Variants in AGBL4 observed in about 807,000 individuals in gnomAD.
AGBL4 encodes cytosolic carboxypeptidase 6.
In AGBL4, 58 loss-of-function variants were observed where a neutral mutation model predicts 66.4. That is an observed-to-expected ratio of 0.87 (90% CI 0.71 to 1.09). The LOEUF (loss-of-function observed/expected upper bound fraction) is 1.09, where lower values mean the gene tolerates loss of function less well. Among genes scored for constraint, AGBL4 ranks in the 50% least tolerant of loss-of-function variants. The pLI, the probability that AGBL4 is intolerant of heterozygous loss-of-function variation, is 0.00. For missense variants in AGBL4, 579 were observed against 631.0 expected (o/e 0.92, Z 0.88); for synonymous variants, 234 against 222.9 (o/e 1.05, Z -0.44).
intron 3 of AGBL4, among the ~76,000 whole-genome samples, chr1:49,620,873 T>C (rs1246777049): frequency 1.3e-5 from 2 of 152,132 alleles, no homozygotes; most frequent in Non-Finnish European, 2.9e-5. Flanking sequence ...CTTTTTTTTT[T>C]CAAAATTACT....
At chr1:49,650,538 G>A (rs1436005376) in intron 3 of AGBL4, among the ~76,000 whole-genome samples, 2 of 152,148 alleles carry the variant, frequency 1.3e-5, no homozygotes, top group Admixed American at 6.5e-5. Context: ...GACATAGCAG[G>A]TGCCACACTG....
At chr1:49,463,726 A>C (rs1646565138) in intron 3 of AGBL4, among the ~76,000 whole-genome samples, 1 of 151,780 alleles carries the variant, frequency 6.6e-6, no homozygotes, top group Admixed American at 6.6e-5. Context: ...GGAGAGCCAC[A>C]TATTAATTTA....
chr1:49,128,347 A>G (rs1427312028), intron 4 of AGBL4, among the ~76,000 whole-genome samples: 1 of 152,062 alleles, frequency 6.6e-6, no homozygotes, highest in Non-Finnish European at 1.5e-5. Context: ...TATAATCCCA[A>G]TTGATAAATT....
chr1:49,365,769 T>C (rs958175613), intron 3 of AGBL4, among the ~76,000 whole-genome samples: 2 of 152,078 alleles, frequency 1.3e-5, no homozygotes, highest in Non-Finnish European at 2.9e-5. Flanking sequence ...TTTCCGTTTC[T>C]TCACCAGCAC....
chr1:49,876,218 A>C, intron 1 of AGBL4, among the ~76,000 whole-genome samples: 1 of 128,174 alleles, frequency 7.8e-6, no homozygotes, highest in Non-Finnish European at 1.6e-5. Context: ...TGTTTTGGAC[A>C]TGAAGTCCTT....
chr1:48,773,007 G>A (rs1470359728), intron 6 of AGBL4, among the ~76,000 whole-genome samples: 1 of 152,078 alleles, frequency 6.6e-6, no homozygotes, highest in East Asian at 1.9e-4. Context: ...AGCAGGACAT[G>A]AAAAGTCAAC....
At chr1:48,765,309 T>C (rs992639480) in intron 6 of AGBL4, among the ~76,000 whole-genome samples, 1 of 152,180 alleles carries the variant, frequency 6.6e-6, no homozygotes, top group Admixed American at 6.5e-5. Flanking sequence ...AATGAGTATA[T>C]GAAAGGAGCT....
intron 1 of AGBL4, among the ~76,000 whole-genome samples, chr1:49,920,983 C>T (rs567647502): frequency 5.1e-4 from 78 of 152,272 alleles, no homozygotes; most frequent in Admixed American, 2.5e-3. Context: ...AGCAAACTAT[C>T]GCAAGGACAG....
Position 49,934,890 on chromosome 1 carries a change from T to A in AGBL4, c.35-83372A>T, listed in dbSNP as rs116370379. Among the ~76,000 whole-genome samples the A allele has an allele frequency of 4.2e-3, 626 of 150,654 alleles. 3 individuals carry two copies. The highest frequency in any genetic ancestry group is 6.2e-3 in the Non-Finnish European group (419 of 67,814). ...AATAGGAACAGCTCCGATCTACAGC[T>A]CCCAACGTGAGCGATACAGAAAACA... is the stretch of plus-strand genomic sequence containing the variant. On this transcript the variant is annotated intron_variant, in intron 1 of 13. Coordinates refer to ENST00000371839, the MANE Select transcript of AGBL4 (RefSeq NM_032785.4).
intron 1 of AGBL4, among the ~76,000 whole-genome samples, chr1:49,920,738 T>C (rs1338844044): frequency 1.3e-5 from 2 of 152,194 alleles, no homozygotes; most frequent in African/African-American, 4.8e-5. Context: ...ATCCCATTAC[T>C]GGGTATATAC....
chr1:48,784,642 G>C (rs1298684410), intron 6 of AGBL4, among the ~76,000 whole-genome samples: 2 of 152,118 alleles, frequency 1.3e-5, no homozygotes, highest in Non-Finnish European at 2.9e-5. Context: ...GTGTAGAAGC[G>C]TTTACAGCAA....
intron 2 of AGBL4, chr1:49,845,916 A>G (rs1427568550): frequency 2.1e-6 from 3 of 1,453,790 alleles, no homozygotes; most frequent in African/African-American, 2.8e-5. Context: ...CAGAAGCCCT[A>G]CAAATGCAAT....
chr1:49,664,392 A>T lies in AGBL4; in HGVS notation c.282+32921T>A, dbSNP rs942567405. 3.9e-5 allele frequency among the ~76,000 whole-genome samples: 6 copies of T among 152,194 alleles called. No individual in the cohort carries two copies. In the East Asian group the frequency reaches 1.2e-3, roughly 29 times the overall value. Reference sequence around the variant, plus strand: ...AGCATAGGTATATATTCTTGAATAGAACACATATACATAATTTTTAATGTA... The same window carrying T: ...AGCATAGGTATATATTCTTGAATAGTACACATATACATAATTTTTAATGTA... On this transcript the variant is annotated intron_variant, in intron 3 of 13. Transcript: ENST00000371839.
At chr1:49,777,353 C>T (rs1215638576) in intron 2 of AGBL4, among the ~76,000 whole-genome samples, 1 of 152,050 alleles carries the variant, frequency 6.6e-6, no homozygotes, top group African/African-American at 2.4e-5. Context: ...ATCCCAGAAT[C>T]AAAATTGATT....
intron 3 of AGBL4, among the ~76,000 whole-genome samples, chr1:49,573,275 G>A (rs890818362): frequency 2.0e-5 from 3 of 151,630 alleles, no homozygotes; most frequent in African/African-American, 4.8e-5. Flanking sequence ...GAATATTAAG[G>A]ATGGAGTTCT....
At chr1:49,878,230 T>C (rs1418029510) in intron 1 of AGBL4, among the ~76,000 whole-genome samples, 1 of 148,846 alleles carries the variant, frequency 6.7e-6, no homozygotes, top group Non-Finnish European at 1.5e-5. Context: ...CTTGCTTTTC[T>C]AGTTCTTTTA....
intron 3 of AGBL4, among the ~76,000 whole-genome samples, chr1:49,487,560 C>T (rs1647095186): frequency 6.6e-6 from 1 of 151,890 alleles, no homozygotes; most frequent in Non-Finnish European, 1.5e-5. Context: ...CTTGCTCTCA[C>T]TCCGTCCTGC....
intron 4 of AGBL4, among the ~76,000 whole-genome samples, chr1:49,243,349 A>C (rs1420154986): frequency 3.3e-5 from 5 of 151,700 alleles, no homozygotes; most frequent in African/African-American, 1.2e-4. Context: ...CTAAATTGGG[A>C]TAGACTCCTT....
intron 6 of AGBL4, among the ~76,000 whole-genome samples, chr1:48,808,234 T>A (rs1645971903): frequency 6.6e-6 from 1 of 152,186 alleles, no homozygotes; most frequent in Non-Finnish European, 1.5e-5. Context: ...ACCAGATACA[T>A]TGAAGGGAAG....
Sources: allele counts gnomAD v4.1 joint callset (sites outside exome capture counted in the v4.1 genomes callset), GRCh38; gene constraint gnomAD v4.1.1; transcripts MANE v1.5; gene names NCBI Gene and HGNC (gene_info 2026-07-23, HGNC 2026-07-21).